MTX3: variants seen among roughly 807,000 people sequenced by gnomAD.
MTX3 encodes the protein metaxin 3, also known as metaxin-3.
MTX3 carries 27 observed loss-of-function variants against 42.5 expected under a neutral mutation model. That is an observed-to-expected ratio of 0.64 (90% CI 0.47 to 0.88). The LOEUF (loss-of-function observed/expected upper bound fraction) is 0.88, where lower values mean the gene tolerates loss of function less well. Ranked by LOEUF, MTX3 falls within the 40% of genes least tolerant of loss-of-function variation. The probability of loss-of-function intolerance (pLI) is 0.00; values close to 1 mark genes in which losing one functional copy is unlikely to be tolerated. For missense variants in MTX3, 378 were observed against 367.0 expected (o/e 1.03, Z -0.25); for synonymous variants, 144 against 132.9 (o/e 1.08, Z -0.57).
chr5:79,983,460 C>G lies in MTX3; in HGVS notation c.*224G>C, dbSNP rs1231062114. 3 of 543,024 alleles carry G rather than the reference C, an allele frequency of 5.5e-6. No homozygotes were observed. The highest frequency in any genetic ancestry group is 2.1e-5 in the South Asian group (1 of 47,384). 33.6% of individuals were successfully genotyped at this position (543,024 alleles called of 1,614,324 possible). A position where few individuals can be genotyped will look rare whatever the true frequency, so the allele number is the denominator to read the frequency against. On this transcript the variant is annotated 3_prime_UTR_variant, in exon 9 of 9. Transcript: ENST00000512528. ...ACGATGTGTTTTTCTTCCCCGCCCC[C>G]CCAACCAAGTTCATTTAGCATTCTC...
In MTX3 at chr5:79,987,051, C is replaced by T. The variant is rs186130359; in HGVS notation, c.638G>A (p.Arg213Gln). ...TTCTTGTAGCTGAACTTTAGGAAAC[C>T]GTACTTTGTAAAGAGGTGCAAGAAA... is the stretch of plus-strand genomic sequence containing the variant. The part of the protein sequence containing the change: ...FGFLAPLYKV[R>Q]FPKVQLQEHL... The change falls in exon 7 of 9, where the codon CGG becomes CAG. Residue 213 changes from arginine (R) to glutamine (Q), a missense_variant. By Grantham distance (43) the Arg-to-Gln change is conservative. Coordinates refer to ENST00000512528, the MANE Select transcript of MTX3 (RefSeq NM_001363818.2). The T allele has an allele frequency of 8.7e-6, 14 of 1,613,844 alleles. No homozygotes were observed. In the South Asian group the frequency reaches 1.2e-4, roughly 14 times the overall value.
rs1384271216 is a variant in MTX3, at chr5:79,977,581, C to T, written c.*6103G>A. 1 of 152,160 alleles carries T rather than the reference C, an allele frequency of 6.6e-6. No homozygotes were observed. The highest frequency in any genetic ancestry group is 1.5e-5 in the Non-Finnish European group (1 of 68,026). The allele number at this position is 152,160 out of a possible 1,614,324, so 9.4% of individuals were successfully genotyped here. ...TCCAATTGTATACATTGCAAAGACA[C>T]ACAAAATGCCTCCTTACACACGATT... On this transcript the variant is annotated 3_prime_UTR_variant, in exon 9 of 9. Coordinates refer to ENST00000512528, the MANE Select transcript of MTX3 (RefSeq NM_001363818.2).
rs1281269076 is a variant in MTX3, at chr5:79,991,142, C to G, written c.81+16G>C. On this transcript the variant is annotated intron_variant, in intron 1 of 8. Transcript: ENST00000512528. The stretch of plus-strand genomic sequence containing the variant: ...CGCCCCTTCCTCCTGCGCCCTGGCC[C>G]GCGAGGCGGCCTCACCATCACCACC... 6.5e-6 allele frequency: 10 copies of G among 1,545,544 alleles called. No homozygotes were observed. Among genetic ancestry groups the G allele is most frequent in the Admixed American group, 3.9e-5 (2 of 50,704 alleles).
In MTX3 at chr5:79,990,674, G is replaced by A; in HGVS notation, c.82-11C>T. 1.2e-6 allele frequency: 2 copies of A among 1,608,762 alleles called. No homozygotes were observed. The highest frequency in any genetic ancestry group is 1.7e-6 in the Non-Finnish European group (2 of 1,175,710). ...AAATTTGGCATAAGCCTGAAACAGAGTTTGCAATCAAACATTTTAGACCAA... is the reference window on the plus strand; with the variant it reads ...AAATTTGGCATAAGCCTGAAACAGAATTTGCAATCAAACATTTTAGACCAA... On this transcript the variant is annotated splice_polypyrimidine_tract_variant and intron_variant, in intron 1 of 8. Transcript: ENST00000512528.
chr5:79,991,133 G>T, intron 1 of MTX3, 25 bp downstream of exon 1: 2 of 1,544,770 alleles, frequency 1.3e-6, no homozygotes, highest in African/African-American at 2.7e-5. Flanking sequence ...TTCCTCCTGC[G>T]CCCTGGCCCG....
chr5:79,990,751 A>C (rs767439027), intron 1 of MTX3, 88 bp from the exon 2 acceptor site: 5 of 930,052 alleles, frequency 5.4e-6, no homozygotes, highest in Non-Finnish European at 8.7e-6. Context: ...CCATCCCCCA[A>C]AGGCAGAAGG....
intron 4 of MTX3, 40 bp downstream of exon 4, chr5:79,989,112 A>G: frequency 7.3e-7 from 1 of 1,374,444 alleles, no homozygotes; most frequent in Non-Finnish European, 1.0e-6. Context: ...TACATTTGCA[A>G]CTAGGCTACT....
intron 6 of MTX3, among the ~76,000 whole-genome samples, chr5:79,987,602 T>G (rs75576806): frequency 0.025 from 3,792 of 152,222 alleles, 187 homozygotes; most frequent in African/African-American, 0.087. Flanking sequence ...ACAAAAATTA[T>G]GCAACCAAGG....
At position 79,988,220 on chromosome 5, in the gene MTX3, T is replaced by C. The variant is rs759328896; in HGVS notation, c.581+19A>G. On this transcript the variant is annotated intron_variant, in intron 6 of 8. Coordinates refer to ENST00000512528, the MANE Select transcript of MTX3 (RefSeq NM_001363818.2). The stretch of plus-strand genomic sequence containing the variant: ...ATATGTGCACAAAATACCAAAATGA[T>C]TTTTAAGGGAATACTCACGTATCTC... 1.4e-6 allele frequency: 2 copies of C among 1,427,620 alleles called. No individual in the cohort carries two copies. Among genetic ancestry groups the C allele is most frequent in the Non-Finnish European group, 1.9e-6 (2 of 1,034,778 alleles). The allele number at this position is 1,427,620 out of a possible 1,614,324, so 88.4% of individuals were successfully genotyped here.
At position 79,990,308 on chromosome 5, in the gene MTX3, A is replaced by G. The variant is rs911713945; in HGVS notation, c.152-72T>C. ...TCTGAGAGATTCCAATATCCTAAAA[A>G]CTATAGCAGTTGCACATTTAGAGGG... On this transcript the variant is annotated intron_variant, in intron 2 of 8. Transcript: ENST00000512528. The G allele has an allele frequency of 6.6e-6, 7 of 1,060,454 alleles. No individual in the cohort carries two copies. The African/African-American group carries it at 1.1e-4, about 17-fold the overall frequency. The allele number at this position is 1,060,454 out of a possible 1,614,324, so 65.7% of individuals were successfully genotyped here. A position where few individuals can be genotyped will look rare whatever the true frequency, so the allele number is the denominator to read the frequency against.
At chr5:79,988,112 G>A (rs564163634) in intron 6 of MTX3, 127 bp downstream of exon 6, 11 of 655,216 alleles carry the variant, frequency 1.7e-5, no homozygotes, top group Non-Finnish European at 2.4e-5. Context: ...CCACCACACC[G>A]GCCTAAATCT....
chr5:79,990,805 G>A (rs1473443584), intron 1 of MTX3, 142 bp from the exon 2 acceptor site: 1 of 757,844 alleles, frequency 1.3e-6, no homozygotes, highest in East Asian at 2.7e-5. Flanking sequence ...TCTCAAGTAG[G>A]GACGCGGGCG....
rs199600901 is a variant in MTX3, at chr5:79,985,644, C to T, written c.755G>A (p.Gly252Glu). The T allele has an allele frequency of 4.2e-4, 672 of 1,611,988 alleles. No individual in the cohort carries two copies. Among genetic ancestry groups the T allele is most frequent in the Middle Eastern group, 1.8e-3 (11 of 6,080 alleles). Residue 252 changes from glycine to glutamate, a missense_variant, in exon 8 of 9, where the codon GGA becomes GAA. Coordinates refer to ENST00000512528, the MANE Select transcript of MTX3 (RefSeq NM_001363818.2). ...CAGATTTGCATCTACCGTTTCTTGT[C>T]CAGCTGGAGAGATGCCTAAGAAGCC... is the stretch of plus-strand genomic sequence containing the variant. ...RLSLGGISPA[G>E]QETVDANLQK...
At chr5:79,990,511 A>G in intron 2 of MTX3, 83 bp downstream of exon 2, 1 of 903,508 alleles carries the variant, frequency 1.1e-6, no homozygotes. Flanking sequence ...AATCCTCAAT[A>G]TTATAGCTAT....
Position 79,989,251 on chromosome 5 carries a change from A to T in MTX3, c.229-7T>A. 6.5e-7 allele frequency: 1 copy of T among 1,542,998 alleles called. No individual in the cohort carries two copies. Among genetic ancestry groups the T allele is most frequent in the Non-Finnish European group, 8.8e-7 (1 of 1,137,584 alleles). ...CATAATCAGCATTATATTTCTATTA[A>T]AAAAAAATAAACCAAAGAAACTCAG... is the stretch of plus-strand genomic sequence containing the variant. On this transcript the variant is annotated splice_polypyrimidine_tract_variant and splice_region_variant and intron_variant, in intron 3 of 8. Transcript: ENST00000512528.
chr5:79,989,291 C>A, intron 3 of MTX3, 47 bp from the exon 4 acceptor site: 1 of 1,219,882 alleles, frequency 8.2e-7, no homozygotes, highest in Non-Finnish European at 1.2e-6. Flanking sequence ...CAAAGAGCAG[C>A]CCAAAGACAG....
chr5:79,990,523 T>C, intron 2 of MTX3, 71 bp downstream of exon 2: 3 of 982,018 alleles, frequency 3.1e-6, no homozygotes, highest in Non-Finnish European at 3.0e-6. Context: ...TATAGCTATA[T>C]ACCTCACAGC....
At chr5:79,987,513 G>A (rs1255834638) in intron 6 of MTX3, among the ~76,000 whole-genome samples, 3 of 150,550 alleles carry the variant, frequency 2.0e-5, no homozygotes, top group Non-Finnish European at 3.0e-5. Context: ...TTGGGATGGT[G>A]TTTAATTTTT....
In MTX3 at chr5:79,989,206, C is replaced by G. The variant is rs1288653945; in HGVS notation, c.267G>C (p.Gly89=). The change falls in exon 4 of 9, where the codon GGG becomes GGC. Residue 89 remains glycine (G), a synonymous_variant. Coordinates refer to ENST00000512528, the MANE Select transcript of MTX3 (RefSeq NM_001363818.2). ...NADYELSAKQ[G]ADTLAYIALL... is the part of the protein sequence containing the mutation. Reference sequence around the variant, plus strand: ...GAGCAATATAAGCCAATGTATCTGCCCCTTGTTTTGCTGAGAGTTCATAAT... The same window carrying G: ...GAGCAATATAAGCCAATGTATCTGCGCCTTGTTTTGCTGAGAGTTCATAAT... 1.9e-6 allele frequency: 3 copies of G among 1,608,170 alleles called. No individual in the cohort carries two copies. The highest frequency in any genetic ancestry group is 2.5e-6 in the Non-Finnish European group (3 of 1,177,318).
Sources: gnomAD v4.1 joint callset for allele counts (sites outside exome capture counted in the v4.1 genomes callset) on GRCh38, gnomAD v4.1.1 for gene constraint, MANE v1.5 for transcripts, NCBI Gene and HGNC (gene_info 2026-07-23, HGNC 2026-07-21) for gene names.